CEP112: variants seen among roughly 807,000 people sequenced by gnomAD.
CEP112 encodes the protein centrosomal protein 112.
A neutral mutation model predicts 153.0 loss-of-function variants in CEP112; 127 were observed. That is an observed-to-expected ratio of 0.83 (90% CI 0.72 to 0.96). CEP112 has a LOEUF of 0.96. Ranked by LOEUF, CEP112 falls within the 40% of genes least tolerant of loss-of-function variation. The probability of loss-of-function intolerance (pLI) is 0.00; values close to 1 mark genes in which losing one functional copy is unlikely to be tolerated. For synonymous variants in CEP112, 358 were observed against 374.4 expected (o/e 0.96, Z 0.51); for missense variants, 1,089 against 1,101.2 (o/e 0.99, Z 0.16).
chr17:65,936,916 C>T (rs2061330875), intron 18 of CEP112, among the ~76,000 whole-genome samples: 1 of 150,872 alleles, frequency 6.6e-6, no homozygotes, highest in African/African-American at 2.4e-5. Context: ...AACCTCCCTG[C>T]CTGATTCTCC....
chr17:66,003,358 G>C (rs1000553287), intron 17 of CEP112, among the ~76,000 whole-genome samples: 1 of 152,094 alleles, frequency 6.6e-6, no homozygotes, highest in Admixed American at 6.5e-5. Context: ...AGGGCTCTTT[G>C]ACTATCTACC....
At chr17:65,784,721 C>T (rs1032111023) in intron 21 of CEP112, among the ~76,000 whole-genome samples, 6 of 152,068 alleles carry the variant, frequency 3.9e-5, no homozygotes, top group Non-Finnish European at 8.8e-5. Context: ...CCTCATGATC[C>T]GCCTGCCTCG....
At chr17:66,090,888 G>A (rs2068109073) in intron 8 of CEP112, among the ~76,000 whole-genome samples, 1 of 151,986 alleles carries the variant, frequency 6.6e-6, no homozygotes, top group South Asian at 2.1e-4. Context: ...AGCGAGGGTA[G>A]AAATACATCA....
intron 19 of CEP112, among the ~76,000 whole-genome samples, chr17:65,925,828 T>C (rs1358163896): frequency 1.3e-5 from 2 of 152,140 alleles, no homozygotes; most frequent in Non-Finnish European, 2.9e-5. Flanking sequence ...ATGTTCCAGA[T>C]AGTTCATTCT....
rs1254131736 is a variant in CEP112, at chr17:65,902,224, C to T, written c.2091G>A (p.Leu697=). The part of the protein sequence containing the change: ...VRDHEREIEN[L]EKQLRAANME... ...TATTGGCAGCGCGAAGCTGTTTTTC[C>T]AGGTTTTCAATTTCCCGTTCATGGT... is the stretch of plus-strand genomic sequence containing the variant. Residue 697 remains leucine (L), a synonymous_variant, in exon 20 of 27, where the codon CTG becomes CTA. Transcript: ENST00000535342. The T allele has an allele frequency of 1.2e-6, 2 of 1,613,736 alleles. No homozygotes were observed. Among genetic ancestry groups the T allele is most frequent in the South Asian group, 2.2e-5 (2 of 91,064 alleles).
chr17:66,110,582 T>C (rs957605002), intron 6 of CEP112, among the ~76,000 whole-genome samples: 1 of 151,604 alleles, frequency 6.6e-6, no homozygotes, highest in Non-Finnish European at 1.5e-5. Flanking sequence ...GATTCGATCT[T>C]ATATTAAAAG....
intron 6 of CEP112, among the ~76,000 whole-genome samples, chr17:66,102,641 CA>C (rs1277132246): frequency 6.6e-6 from 1 of 150,748 alleles, no homozygotes; most frequent in Non-Finnish European, 1.5e-5. Flanking sequence ...ACCAAAAATA[CA>C]AAAAAATTAG....
At chr17:66,144,443 A>C (rs959814494) in intron 4 of CEP112, among the ~76,000 whole-genome samples, 6 of 152,284 alleles carry the variant, frequency 3.9e-5, no homozygotes, top group African/African-American at 1.4e-4. Context: ...CTGTAATCCC[A>C]GCACTTTGGG....
chr17:66,059,990 CGCAGCAATGTGGAT>C (rs920170920), intron 11 of CEP112, among the ~76,000 whole-genome samples: 17 of 152,002 alleles, frequency 1.1e-4, no homozygotes, highest in Admixed American at 1.1e-3. Flanking sequence ...TCATGTCCTT[CGCAGCAATGTGGAT>C]GCAGCTGGTG....
chr17:66,063,322 T>C (rs975564408), intron 10 of CEP112, among the ~76,000 whole-genome samples: 1 of 152,172 alleles, frequency 6.6e-6, no homozygotes, highest in African/African-American at 2.4e-5. Context: ...GTCTCAAGCA[T>C]CATTCCCCTC....
At chr17:66,058,354 G>C (rs1178396707) in intron 11 of CEP112, among the ~76,000 whole-genome samples, 1 of 151,860 alleles carries the variant, frequency 6.6e-6, no homozygotes, top group Non-Finnish European at 1.5e-5. Flanking sequence ...TTATAGAAAA[G>C]ATAAAACCAA....
intron 16 of CEP112, among the ~76,000 whole-genome samples, chr17:66,009,811 C>T (rs532186532): frequency 1.3e-5 from 2 of 152,244 alleles, no homozygotes; most frequent in South Asian, 4.1e-4. Context: ...TATTCTGTTC[C>T]ATTAATCTAT....
At chr17:66,035,008 A>ATATTTTTT (rs1454121288) in intron 12 of CEP112, among the ~76,000 whole-genome samples, 4 of 72,370 alleles carry the variant, frequency 5.5e-5, no homozygotes, top group East Asian at 1.1e-3. Context: ...ATATATATAT[A>ATATTTTTT]TTTTTTTTTT....
chr17:66,071,287 A>G (rs2067300019), intron 8 of CEP112, among the ~76,000 whole-genome samples: 1 of 152,168 alleles, frequency 6.6e-6, no homozygotes, highest in African/African-American at 2.4e-5. Flanking sequence ...CTATGCAAAA[A>G]AAAAATTCAA....
chr17:65,756,337 TG>T (rs1254966320), intron 21 of CEP112, among the ~76,000 whole-genome samples: 2 of 129,264 alleles, frequency 1.5e-5, no homozygotes, highest in African/African-American at 6.1e-5. Flanking sequence ...ACCTGGGAAG[TG>T]GAGGTTGCAG....
At chr17:65,691,038 G>A (rs2048083125) in intron 23 of CEP112, among the ~76,000 whole-genome samples, 1 of 152,112 alleles carries the variant, frequency 6.6e-6, no homozygotes, top group South Asian at 2.1e-4. Context: ...GAAGGATCAG[G>A]TCCAGGTATG....
rs186925267 is a variant in CEP112, at chr17:66,111,760, G to T, written c.643-15128C>A. The stretch of plus-strand genomic sequence containing the variant: ...AGAGAAAAGGGAACTATTGGGTACT[G>T]GGCATAATACCTGGGTGATGACATG... On this transcript the variant is annotated intron_variant, in intron 6 of 26. Coordinates refer to ENST00000535342, the MANE Select transcript of CEP112 (RefSeq NM_001199165.4). 2.9e-4 allele frequency among the ~76,000 whole-genome samples: 44 copies of T among 152,138 alleles called. No individual in the cohort carries two copies. In the East Asian group the frequency reaches 7.0e-3, roughly 24 times the overall value.
chr17:65,690,465 C>T (rs2048055638), intron 23 of CEP112, among the ~76,000 whole-genome samples: 1 of 147,322 alleles, frequency 6.8e-6, no homozygotes, highest in African/African-American at 2.5e-5. Flanking sequence ...CATTCACATG[C>T]TTAGATTATA....
intron 19 of CEP112, among the ~76,000 whole-genome samples, chr17:65,926,156 C>G (rs915245778): frequency 2.0e-5 from 3 of 152,210 alleles, no homozygotes; most frequent in Non-Finnish European, 4.4e-5. Flanking sequence ...AGGAACCTTT[C>G]TCCCCATACT....
Sources: gnomAD v4.1 joint callset for allele counts (sites outside exome capture counted in the v4.1 genomes callset) on GRCh38, gnomAD v4.1.1 for gene constraint, MANE v1.5 for transcripts, NCBI Gene and HGNC (gene_info 2026-07-23, HGNC 2026-07-21) for gene names.